Variants in MIPOL1 observed in about 807,000 individuals in gnomAD.
MIPOL1 encodes the protein mirror-image polydactyly gene 1 protein.
Under a neutral mutation model 60.9 loss-of-function variants are expected in MIPOL1, and 57 were observed. The observed-to-expected ratio is 0.94, with a 90% confidence interval of 0.76 to 1.17. MIPOL1 has a LOEUF of 1.17. Among genes scored for constraint, MIPOL1 ranks in the 50% most tolerant of loss-of-function variants. The probability of loss-of-function intolerance (pLI) is 0.00; values close to 1 mark genes in which losing one functional copy is unlikely to be tolerated. For missense variants in MIPOL1, 551 were observed against 511.6 expected (o/e 1.08, Z -0.74); for synonymous variants, 179 against 168.8 (o/e 1.06, Z -0.47).
At chr14:37,381,405 G>A (rs1229741375) in intron 10 of MIPOL1, among the ~76,000 whole-genome samples, 1 of 151,924 alleles carries the variant, frequency 6.6e-6, no homozygotes, top group East Asian at 1.9e-4. Context: ...TAGAAGAGCA[G>A]GTGTCTCTGA....
At chr14:37,427,099 G>A (rs2093980568) in intron 11 of MIPOL1, among the ~76,000 whole-genome samples, 1 of 152,114 alleles carries the variant, frequency 6.6e-6, no homozygotes, top group African/African-American at 2.4e-5. Context: ...AGGACAAGCA[G>A]TTACTGTACA....
At chr14:37,411,976 T>C (rs1389181108) in intron 10 of MIPOL1, among the ~76,000 whole-genome samples, 1 of 152,144 alleles carries the variant, frequency 6.6e-6, no homozygotes, top group African/African-American at 2.4e-5. Context: ...CTTTTTATCA[T>C]TGCATAATAA....
At chr14:37,461,913 A>G (rs1374167637) in intron 11 of MIPOL1, among the ~76,000 whole-genome samples, 1 of 152,118 alleles carries the variant, frequency 6.6e-6, no homozygotes, top group African/African-American at 2.4e-5. Flanking sequence ...AGTGTCTGCA[A>G]CTTTTCTAGG....
At chr14:37,546,813 A>G (rs1266101976) in intron 12 of MIPOL1, 92 bp from the exon 13 acceptor site, 6 of 988,940 alleles carry the variant, frequency 6.1e-6, no homozygotes, top group South Asian at 1.4e-5. Flanking sequence ...CTGCTTGGTC[A>G]CAGGCAAATA....
At chr14:37,219,129 A>G (rs916787738) in intron 1 of MIPOL1, among the ~76,000 whole-genome samples, 1 of 152,130 alleles carries the variant, frequency 6.6e-6, no homozygotes, top group African/African-American at 2.4e-5. Flanking sequence ...AAAGTTACTA[A>G]CAGGAATCAT....
At chr14:37,259,694 A>G (rs757672845) in intron 3 of MIPOL1, among the ~76,000 whole-genome samples, 2 of 152,174 alleles carry the variant, frequency 1.3e-5, no homozygotes, top group Non-Finnish European at 2.9e-5. Context: ...TAATTATAGT[A>G]CAAAAAAGAA....
intron 11 of MIPOL1, among the ~76,000 whole-genome samples, chr14:37,449,226 C>G (rs1468501866): frequency 6.6e-6 from 1 of 151,804 alleles, no homozygotes; most frequent in Non-Finnish European, 1.5e-5. Context: ...TTAATAAGTT[C>G]TGCAGTTGAT....
chr14:37,397,368 G>GT (rs1196104436), intron 10 of MIPOL1, among the ~76,000 whole-genome samples: 2 of 151,448 alleles, frequency 1.3e-5, no homozygotes, highest in Admixed American at 1.3e-4. Context: ...ACCTGTTCCA[G>GT]TGGAGGTGGT....
intron 11 of MIPOL1, among the ~76,000 whole-genome samples, chr14:37,433,851 C>T (rs376692397): frequency 4.6e-5 from 7 of 152,058 alleles, no homozygotes; most frequent in South Asian, 4.1e-4. Context: ...CCACCGCACC[C>T]GACCCTGAAC....
rs148364429 is a variant in MIPOL1 at position 37,366,619 on chromosome 14, T to G, written c.829-2898T>G. ...TTGTGCTGAGGAAAAGAATGTGCAT[T>G]CTGCGGCCGTTGGACGAAATGTTCC... is the stretch of plus-strand genomic sequence containing the variant. On this transcript the variant is annotated intron_variant, in intron 9 of 12. Coordinates refer to ENST00000684589, the MANE Select transcript of MIPOL1 (RefSeq NM_001388067.1). Among the ~76,000 whole-genome samples, 464 of 152,194 alleles carry G rather than the reference T, an allele frequency of 3.0e-3. 3 individuals are homozygous for G. The highest frequency in any genetic ancestry group is 9.5e-3 in the African/African-American group (395 of 41,540).
At chr14:37,521,885 G>GAA (rs71449997) in intron 12 of MIPOL1, among the ~76,000 whole-genome samples, 53,246 of 129,154 alleles carry the variant, frequency 0.41, 11,513 homozygotes, top group Non-Finnish European at 0.48. Context: ...TTTATCTAAA[G>GAA]AAAAAAAAAT....
chr14:37,350,839 C>G (rs1769594328), intron 9 of MIPOL1, among the ~76,000 whole-genome samples: 1 of 152,110 alleles, frequency 6.6e-6, no homozygotes, highest in African/African-American at 2.4e-5. Flanking sequence ...TGATCTCTTT[C>G]TGTGCTTGGA....
At position 37,284,126 on chromosome 14, in the gene MIPOL1, C is replaced by G. The variant is rs537916880; in HGVS notation, c.494-1192C>G. ...TAACATTAAACCTCCTGATATAGTG[C>G]TGCAAAAATCTAGATGATGCCATTT... On this transcript the variant is annotated intron_variant, in intron 6 of 12. Transcript: ENST00000684589. 2.0e-5 allele frequency among the ~76,000 whole-genome samples: 3 copies of G among 152,188 alleles called. No homozygotes were observed. The Middle Eastern group carries it at 0.01, about 518-fold the overall frequency.
intron 10 of MIPOL1, chr14:37,369,899 A>C: frequency 5.5e-6 from 1 of 181,696 alleles, no homozygotes; most frequent in Non-Finnish European, 1.1e-5. Context: ...TTATATCATT[A>C]CCTTTTGTAG....
At chr14:37,348,983 CTTTT>C (rs11347957) in intron 9 of MIPOL1, among the ~76,000 whole-genome samples, 2 of 74,120 alleles carry the variant, frequency 2.7e-5, no homozygotes, top group Non-Finnish European at 2.2e-5. Context: ...CCAGCTAATT[CTTTT>C]TTTTTTTTTT....
intron 12 of MIPOL1, chr14:37,503,418 C>G (rs74821115): frequency 6.6e-6 from 1 of 152,084 alleles, no homozygotes; most frequent in Non-Finnish European, 1.5e-5. Flanking sequence ...CGGCAGAAAC[C>G]CTACAAGCCA....
At chr14:37,262,052 A>G (rs2082550763) in intron 3 of MIPOL1, among the ~76,000 whole-genome samples, 1 of 150,860 alleles carries the variant, frequency 6.6e-6, no homozygotes, top group Admixed American at 6.6e-5. Context: ...GGGGGGAAAA[A>G]CACATATAAT....
intron 9 of MIPOL1, among the ~76,000 whole-genome samples, chr14:37,356,724 C>T (rs1440272257): frequency 1.3e-5 from 2 of 152,238 alleles, no homozygotes; most frequent in African/African-American, 2.4e-5. Context: ...TCCCTGACCC[C>T]TTGCGCTTCC....
intron 10 of MIPOL1, among the ~76,000 whole-genome samples, chr14:37,387,882 T>C (rs2093119064): frequency 6.6e-6 from 1 of 151,728 alleles, no homozygotes; most frequent in Non-Finnish European, 1.5e-5. Flanking sequence ...TGAGAAAACT[T>C]CTAAGATCCA....
Sources: allele counts gnomAD v4.1 joint callset (sites outside exome capture counted in the v4.1 genomes callset), GRCh38; gene constraint gnomAD v4.1.1; transcripts MANE v1.5; gene names NCBI Gene and HGNC (gene_info 2026-07-23, HGNC 2026-07-21).